HS1BP3: variants seen among roughly 807,000 people sequenced by gnomAD.
The protein encoded by HS1BP3 is HCLS1 binding protein 3.
A neutral mutation model predicts 33.5 loss-of-function variants in HS1BP3; 32 were observed. The ratio of observed to expected loss-of-function variants is 0.95; its 90% confidence interval spans 0.72 to 1.28. The LOEUF (loss-of-function observed/expected upper bound fraction) is 1.28. HS1BP3 is among the 50% of genes most tolerant of loss of function. The pLI is 0.00. For synonymous variants in HS1BP3, 187 were observed against 209.2 expected (o/e 0.89, Z 0.92); for missense variants, 486 against 502.3 (o/e 0.97, Z 0.31).
chr2:20,562,411 T>C (rs1169897611), intron 5 of HS1BP3, among the ~76,000 whole-genome samples: 3 of 152,136 alleles, frequency 2.0e-5, no homozygotes, highest in African/African-American at 7.2e-5. Context: ...CCCAGGAGTT[T>C]GAGGCTGTAG....
chr2:20,602,970 C>G (rs979648092), intron 2 of HS1BP3, among the ~76,000 whole-genome samples: 5 of 152,034 alleles, frequency 3.3e-5, no homozygotes, highest in South Asian at 2.1e-4. Context: ...ATAACAAGCA[C>G]CAAAAAAGAT....
Position 20,611,771 on chromosome 2 carries a change from C to G in HS1BP3, c.178+12125G>C, listed in dbSNP as rs1039435321. On this transcript the variant is annotated intron_variant, in intron 2 of 3. Coordinates refer to the HS1BP3 transcript ENST00000415264. The surrounding 1 kb of genome is among the most constrained non-coding windows in gnomAD (Gnocchi z 4.9). ...GGTTTTGTATGTGCCCATTCCCATGCCCCCCACCCCACGGTGAGGCAGCAG... is the reference window on the plus strand; with the variant it reads ...GGTTTTGTATGTGCCCATTCCCATGGCCCCCACCCCACGGTGAGGCAGCAG... Among the ~76,000 whole-genome samples, 3 of 152,148 alleles carry G rather than the reference C, an allele frequency of 2.0e-5. No homozygotes were observed. The highest frequency in any genetic ancestry group is 4.4e-5 in the Non-Finnish European group (3 of 68,012).
chr2:20,565,536 C>A (rs982865983), intron 5 of HS1BP3, among the ~76,000 whole-genome samples: 4 of 152,248 alleles, frequency 2.6e-5, no homozygotes, highest in Non-Finnish European at 5.9e-5. Context: ...TGAAGCTTGA[C>A]CCTGGCAGCC....
downstream of HS1BP3, among the ~76,000 whole-genome samples, chr2:20,614,633 T>C (rs1439888967): frequency 6.6e-6 from 1 of 152,242 alleles, no homozygotes; most frequent in Non-Finnish European, 1.5e-5. Context: ...TTAGTGTTTA[T>C]GGATGAGCTC....
chr2:20,570,457 C>A (rs908193105), intron 5 of HS1BP3, among the ~76,000 whole-genome samples: 1 of 152,194 alleles, frequency 6.6e-6, no homozygotes, highest in African/African-American at 2.4e-5. Flanking sequence ...CTGATCATGT[C>A]TTTCCTAGCT....
At chr2:20,586,452 G>A (rs989495082) in intron 5 of HS1BP3, 11 of 152,256 alleles carry the variant, frequency 7.2e-5, no homozygotes, top group Non-Finnish European at 1.2e-4. Context: ...AAAAGCAAGC[G>A]CATTCCAGAT....
chr2:20,605,131 A>G (rs920750433), intron 2 of HS1BP3, among the ~76,000 whole-genome samples: 2 of 152,232 alleles, frequency 1.3e-5, no homozygotes, highest in African/African-American at 2.4e-5. Context: ...GTTTAGATGC[A>G]GCCAAGACAG....
At chr2:20,631,253 C>A (rs1310404601) in intron 4 of HS1BP3, among the ~76,000 whole-genome samples, 1 of 151,574 alleles carries the variant, frequency 6.6e-6, no homozygotes, top group African/African-American at 2.4e-5. Flanking sequence ...GTGGCTCATG[C>A]CTGTAATCCC....
At chr2:20,630,132 T>A (rs1440688270) in intron 4 of HS1BP3, among the ~76,000 whole-genome samples, 1 of 152,200 alleles carries the variant, frequency 6.6e-6, no homozygotes, top group Non-Finnish European at 1.5e-5. Flanking sequence ...ACAGCATGAG[T>A]CTTCAAAGCC....
intron 5 of HS1BP3, among the ~76,000 whole-genome samples, chr2:20,570,963 A>G (rs1693252430): frequency 1.3e-5 from 2 of 152,128 alleles, no homozygotes; most frequent in South Asian, 4.1e-4. Flanking sequence ...TAAAGGCACT[A>G]GGGAGCCAGG....
intron 5 of HS1BP3, among the ~76,000 whole-genome samples, chr2:20,567,126 T>C (rs1693148774): frequency 6.6e-6 from 1 of 152,080 alleles, no homozygotes; most frequent in South Asian, 2.1e-4. Flanking sequence ...ATCTGATGAA[T>C]ATTACTAGTT....
At chr2:20,574,457 T>G (rs1693351660) in intron 5 of HS1BP3, among the ~76,000 whole-genome samples, 1 of 152,202 alleles carries the variant, frequency 6.6e-6, no homozygotes, top group African/African-American at 2.4e-5. Flanking sequence ...CATGGCTGCC[T>G]CCTTTTTCCC....
At chr2:20,580,386 G>T (rs908969813) in intron 5 of HS1BP3, among the ~76,000 whole-genome samples, 2 of 152,196 alleles carry the variant, frequency 1.3e-5, no homozygotes, top group Admixed American at 1.3e-4. Context: ...AGGCGTATCA[G>T]TGTGCACCTG....
intron 5 of HS1BP3, among the ~76,000 whole-genome samples, chr2:20,564,749 G>T (rs1240023642): frequency 6.6e-6 from 1 of 152,180 alleles, no homozygotes; most frequent in Non-Finnish European, 1.5e-5. Flanking sequence ...CTCCCAAAGT[G>T]CTGAGATTAC....
chr2:20,638,701 A>C (rs756048566), intron 3 of HS1BP3, 49 bp from the exon 4 acceptor site: 21 of 1,467,206 alleles, frequency 1.4e-5, no homozygotes, highest in Non-Finnish European at 1.9e-5. Flanking sequence ...CCCCAGAGCC[A>C]GGGGAGGCAT....
intron 5 of HS1BP3, among the ~76,000 whole-genome samples, chr2:20,583,881 C>T (rs1693619503): frequency 6.6e-6 from 1 of 152,180 alleles, no homozygotes; most frequent in Admixed American, 6.5e-5. Flanking sequence ...CTCCTGGGAC[C>T]TGGCCAGCAT....
At chr2:20,629,135 G>A (rs1269009945) in intron 4 of HS1BP3, among the ~76,000 whole-genome samples, 1 of 152,190 alleles carries the variant, frequency 6.6e-6, no homozygotes, top group African/African-American at 2.4e-5. Context: ...ACAGGTTTCT[G>A]ATCTCAGTGA....
At chr2:20,624,244 G>A (rs1694700000) in intron 5 of HS1BP3, among the ~76,000 whole-genome samples, 1 of 152,184 alleles carries the variant, frequency 6.6e-6, no homozygotes, top group African/African-American at 2.4e-5. Flanking sequence ...AGGGACTAGG[G>A]ACAGGGACTA....
chr2:20,614,319 T>C (rs1012302788), downstream of HS1BP3, among the ~76,000 whole-genome samples: 2 of 152,188 alleles, frequency 1.3e-5, no homozygotes, highest in Non-Finnish European at 2.9e-5. Flanking sequence ...AGCCACCCAG[T>C]TTATGGTGCT....
Sources: allele counts gnomAD v4.1 joint callset (sites outside exome capture counted in the v4.1 genomes callset), GRCh38; gene constraint gnomAD v4.1.1; non-coding constraint Gnocchi (gnomAD v3.1); transcripts MANE v1.5; gene names NCBI Gene and HGNC (gene_info 2026-07-23, HGNC 2026-07-21).